The following ICE1 variants were observed in gnomAD, a reference collection of about 807,000 sequenced individuals.
ICE1 encodes the protein little elongation complex subunit 1.
ICE1 carries 64 observed loss-of-function variants against 192.7 expected under a neutral mutation model. The observed-to-expected ratio is 0.33, with a 90% CI of 0.27 to 0.41. The LOEUF (loss-of-function observed/expected upper bound fraction) is 0.41. ICE1 is among the 10% of genes least tolerant of loss of function. ICE1 has a pLI of 1.00. For synonymous variants in ICE1, 1,010 were observed against 984.5 expected, an observed-to-expected ratio of 1.03 and a Z score of -0.49; for missense variants, 2,708 against 2,696.0, an observed-to-expected ratio of 1.00 and a Z score of -0.10.
At chr5:5,433,809 A>G (rs1363711384) in intron 1 of ICE1, among the ~76,000 whole-genome samples, 1 of 152,150 alleles carries the variant, frequency 6.6e-6, no homozygotes, top group African/African-American at 2.4e-5. Flanking sequence ...TTCTGTACCT[A>G]GCAAAGTCTT....
chr5:5,436,682 G>A (rs766722356), intron 2 of ICE1, among the ~76,000 whole-genome samples: 1 of 152,090 alleles, frequency 6.6e-6, no homozygotes, highest in Non-Finnish European at 1.5e-5. Flanking sequence ...AAAGCTCGTG[G>A]GTTAGTAGGA....
chr5:5,442,563 C>T (rs985489516), intron 5 of ICE1, among the ~76,000 whole-genome samples: 5 of 152,122 alleles, frequency 3.3e-5, no homozygotes. Flanking sequence ...CAGTTACTGT[C>T]TTTGGAAGAG....
intron 17 of ICE1, 71 bp downstream of exon 17, chr5:5,476,150 G>A: frequency 2.5e-6 from 2 of 787,750 alleles, no homozygotes; most frequent in African/African-American, 1.8e-5. Context: ...GGGGTTAACT[G>A]TATAATAAAA....
Position 5,462,756 on chromosome 5 carries a change from C to G in ICE1, c.3422C>G (p.Ala1141Gly), listed in dbSNP as rs1047450996. ...KNLGDTDAAV[A>G]EVRPSLEVGY... is the part of the protein sequence containing the mutation. ...TTAGGAGACACAGATGCTGCTGTAGCCGAGGTGAGACCTTCCTTAGAGGTA... is the reference window on the plus strand; with the variant it reads ...TTAGGAGACACAGATGCTGCTGTAGGCGAGGTGAGACCTTCCTTAGAGGTA... The change falls in exon 13 of 19, where the codon GCC (alanine) becomes GGC (glycine). Residue 1141 changes from alanine to glycine, a missense_variant. This residue lies in a region of ICE1 where 2,366 missense variants were observed against 2,276.6 expected (regional missense o/e 1.04). Coordinates refer to ENST00000296564, the MANE Select transcript of ICE1 (RefSeq NM_015325.3). The G allele has an allele frequency of 6.2e-7, 1 of 1,613,696 alleles. No homozygotes were observed. The highest frequency in any genetic ancestry group is 8.5e-7 in the Non-Finnish European group (1 of 1,179,752).
chr5:5,472,278 T>C (rs1436892473), intron 15 of ICE1, among the ~76,000 whole-genome samples: 2 of 152,184 alleles, frequency 1.3e-5, no homozygotes, highest in South Asian at 4.1e-4. Flanking sequence ...TAATAAATAT[T>C]CAATGTTTAC....
chr5:5,433,782 A>G (rs1165549072), intron 1 of ICE1, among the ~76,000 whole-genome samples: 1 of 152,208 alleles, frequency 6.6e-6, no homozygotes, highest in East Asian at 1.9e-4. Context: ...AACGCTTAAC[A>G]GATGGTGACC....
Position 5,454,546 on chromosome 5 carries a change from T to C in ICE1, c.605-6T>C. 1 of 1,610,678 alleles carries C rather than the reference T, an allele frequency of 6.2e-7. No homozygotes were observed. The highest frequency in any genetic ancestry group is 8.5e-7 in the Non-Finnish European group (1 of 1,177,396). On this transcript the variant is annotated splice_polypyrimidine_tract_variant and splice_region_variant and intron_variant, in intron 10 of 18. Transcript: ENST00000296564. The stretch of plus-strand genomic sequence containing the variant: ...CGTGACTTTAATGCTTTGCTCTGTT[T>C]CACAGGAAAAGTGAAACTGCTTCTG...
intron 10 of ICE1, among the ~76,000 whole-genome samples, chr5:5,449,926 C>T (rs763291909): frequency 6.6e-6 from 1 of 152,220 alleles, no homozygotes; most frequent in Non-Finnish European, 1.5e-5. Context: ...ACCCTCACAA[C>T]TGCGTCCACT....
intron 1 of ICE1, among the ~76,000 whole-genome samples, chr5:5,429,736 T>C (rs1041660024): frequency 6.6e-6 from 1 of 152,246 alleles, no homozygotes; most frequent in Non-Finnish European, 1.5e-5. Context: ...AGCTTGCTCC[T>C]TGCCCTGTGT....
intron 10 of ICE1, among the ~76,000 whole-genome samples, chr5:5,451,742 G>A (rs1000986124): frequency 2.0e-5 from 3 of 152,174 alleles, no homozygotes; most frequent in East Asian, 1.9e-4. Context: ...CTTTGTAAAC[G>A]TTCAGTGAAA....
chr5:5,465,308 A>G lies in ICE1; in HGVS notation c.5892+82A>G, dbSNP rs190943871. 41 of 960,854 alleles carry G rather than the reference A, an allele frequency of 4.3e-5. 1 individual carries two copies. The African/African-American group carries it at 6.6e-4, about 16-fold the overall frequency. 59.5% of individuals were successfully genotyped at this position (960,854 alleles called of 1,614,324 possible). ...GCTGTTTACTGTCAGCAAAATGTGT[A>G]GATGACCATGAACAAAAGTTTTACT... On this transcript the variant is annotated intron_variant, in intron 13 of 18. Transcript: ENST00000296564.
At chr5:5,458,827 C>T (rs989529417) in intron 12 of ICE1, among the ~76,000 whole-genome samples, 2 of 152,250 alleles carry the variant, frequency 1.3e-5, no homozygotes. Flanking sequence ...AGAAAATAGA[C>T]AAGACCACAG....
chr5:5,454,521 C>T (rs375805107), intron 10 of ICE1, 31 bp from the exon 11 acceptor site: 28 of 1,534,738 alleles, frequency 1.8e-5, no homozygotes, highest in African/African-American at 8.2e-5. Context: ...AGCCAAATGA[C>T]GTGACTTTAA....
chr5:5,422,963 C>T lies in ICE1; in HGVS notation c.48C>T (p.Asp16=). ...THSAAPGTAA[D]LSRCQGCASL... is the part of the protein sequence containing the mutation. ...CGGCGGCGCCCGGGACGGCGGCGGA[C>T]CTGTCGCGATGTCAGGGCTGCGCCT... Residue 16 remains aspartate (D), a synonymous_variant, in exon 1 of 19, where the codon GAC becomes GAT. Transcript: ENST00000296564. 2 of 1,455,864 alleles carry T rather than the reference C, an allele frequency of 1.4e-6. No individual in the cohort carries two copies. Among genetic ancestry groups the T allele is most frequent in the African/African-American group, 1.5e-5 (1 of 68,074 alleles). 90.2% of individuals were successfully genotyped at this position (1,455,864 alleles called of 1,614,324 possible). A position where few individuals can be genotyped will look rare whatever the true frequency, so the allele number is the denominator to read the frequency against.
rs770520751 is a variant in ICE1, at chr5:5,460,851, G to A, written c.1517G>A (p.Arg506Gln). 21 of 1,613,900 alleles carry A rather than the reference G, an allele frequency of 1.3e-5. No homozygotes were observed. In the Admixed American group the frequency reaches 2.2e-4, roughly 17 times the overall value. Reference sequence around the variant, plus strand: ...GAGAAGACCATTCATAAACTCACTCGAGGTCTATGCATTGAGAGATTGTCT... The same window carrying A: ...GAGAAGACCATTCATAAACTCACTCAAGGTCTATGCATTGAGAGATTGTCT... ...QTEKTIHKLT[R>Q]GLCIERLSAS... is the part of the protein sequence containing the mutation. The change falls in exon 13 of 19, where the codon CGA becomes CAA. Residue 506 changes from arginine (R) to glutamine (Q), a missense_variant. Transcript: ENST00000296564.
At chr5:5,449,993 A>G (rs1437820295) in intron 10 of ICE1, among the ~76,000 whole-genome samples, 2 of 152,208 alleles carry the variant, frequency 1.3e-5, no homozygotes, top group Non-Finnish European at 2.9e-5. Flanking sequence ...GAGAATCTAC[A>G]TTTACTGCTG....
Position 5,462,470 on chromosome 5 carries a change from A to G in ICE1, c.3136A>G (p.Asn1046Asp), listed in dbSNP as rs775738803. ...TTCTACCAGCACACCACAAAATGCT[A>G]ATGGACTTTGGAAATTGAAATCTAC... ...NDSTSTPQNA[N>D]GLWKLKSTTP... The change falls in exon 13 of 19, where the codon AAT becomes GAT. Residue 1046 changes from asparagine (N) to aspartate (D), a missense_variant. This residue lies in a region of ICE1 where 2,366 missense variants were observed against 2,276.6 expected (regional missense o/e 1.04). Transcript: ENST00000296564. The G allele has an allele frequency of 6.2e-7, 1 of 1,613,992 alleles. No individual in the cohort carries two copies. The highest frequency in any genetic ancestry group is 1.7e-5 in the Admixed American group (1 of 60,034).
intron 1 of ICE1, among the ~76,000 whole-genome samples, chr5:5,429,146 T>A (rs1001455526): frequency 2.6e-5 from 4 of 152,104 alleles, no homozygotes; most frequent in Non-Finnish European, 4.4e-5. Flanking sequence ...TAACAGTACT[T>A]GTGAAGTGTT....
At position 5,469,002 on chromosome 5, in the gene ICE1, C is replaced by A; in HGVS notation, c.6222+14C>A. ...AATTGGGAAAAGGTGAGCCATATTTCTGTTTCTTACAGTATCTTACTTTTA... is the reference window on the plus strand; with the variant it reads ...AATTGGGAAAAGGTGAGCCATATTTATGTTTCTTACAGTATCTTACTTTTA... On this transcript the variant is annotated intron_variant, in intron 15 of 18. Transcript: ENST00000296564. 6.7e-7 allele frequency: 1 copy of A among 1,484,378 alleles called. No homozygotes were observed. The highest frequency in any genetic ancestry group is 8.9e-7 in the Non-Finnish European group (1 of 1,117,650). The allele number at this position is 1,484,378 out of a possible 1,614,324, so 92.0% of individuals were successfully genotyped here. A position where few individuals can be genotyped will look rare whatever the true frequency, so the allele number is the denominator to read the frequency against.
Sources: gnomAD v4.1 joint callset for allele counts (sites outside exome capture counted in the v4.1 genomes callset) on GRCh38, gnomAD v4.1.1 for gene constraint, gnomAD v4.1.1 regional missense constraint, MANE v1.5 for transcripts, NCBI Gene and HGNC (gene_info 2026-07-23, HGNC 2026-07-21) for gene names.